The following TMEM117 variants were observed in gnomAD, a reference collection of about 807,000 sequenced individuals.
TMEM117 encodes transmembrane protein 117.
In TMEM117, 27 loss-of-function variants were observed where a neutral mutation model predicts 52.4. The ratio of observed to expected loss-of-function variants is 0.51; its 90% CI spans 0.38 to 0.71. TMEM117 has a LOEUF of 0.71. Among genes scored for constraint, TMEM117 ranks in the 30% least tolerant of loss-of-function variants. The pLI is 0.00. For missense variants in TMEM117, 556 were observed against 630.5 expected (o/e 0.88, Z 1.26); for synonymous variants, 215 against 206.3 (o/e 1.04, Z -0.36).
At chr12:44,252,329 A>AC (rs1298434026) in intron 5 of TMEM117, among the ~76,000 whole-genome samples, 2 of 152,016 alleles carry the variant, frequency 1.3e-5, no homozygotes, top group South Asian at 2.1e-4. Flanking sequence ...ACAAAGCAAA[A>AC]CCCCGTCCTA....
intron 6 of TMEM117, among the ~76,000 whole-genome samples, chr12:44,341,956 C>T (rs144207473): frequency 2.3e-3 from 347 of 152,072 alleles, no homozygotes; most frequent in Non-Finnish European, 3.9e-3. Flanking sequence ...CAGAGCTAAG[C>T]GTATTGTCAG....
At chr12:43,929,892 G>A (rs539923773) in intron 2 of TMEM117, among the ~76,000 whole-genome samples, 77 of 152,120 alleles carry the variant, frequency 5.1e-4, no homozygotes, top group African/African-American at 1.6e-3. Flanking sequence ...GTCTGCTTAT[G>A]TTATCAATTT....
intron 6 of TMEM117, among the ~76,000 whole-genome samples, chr12:44,337,772 A>C (rs866791406): frequency 4.6e-5 from 7 of 152,110 alleles, no homozygotes; most frequent in African/African-American, 1.7e-4. Context: ...AATGCATATC[A>C]TAGTCAGTAG....
chr12:44,084,848 C>T (rs993009161), intron 3 of TMEM117, among the ~76,000 whole-genome samples: 16 of 152,142 alleles, frequency 1.1e-4, no homozygotes, highest in Non-Finnish European at 1.9e-4. Context: ...GACCAGTGCT[C>T]CCCAGGTGAT....
intron 5 of TMEM117, among the ~76,000 whole-genome samples, chr12:44,236,185 T>G (rs35321432): frequency 0.048 from 7,000 of 145,200 alleles, 220 homozygotes; most frequent in African/African-American, 0.1. Flanking sequence ...TATATATATA[T>G]ATAGAGAGAG....
intron 3 of TMEM117, among the ~76,000 whole-genome samples, chr12:44,135,918 G>A (rs1319502120): frequency 6.6e-6 from 1 of 152,040 alleles, no homozygotes; most frequent in Non-Finnish European, 1.5e-5. Context: ...GTTCTACTTT[G>A]AACAGCATCA....
intron 4 of TMEM117, among the ~76,000 whole-genome samples, chr12:44,154,272 G>A (rs371413905): frequency 1.3e-5 from 2 of 152,108 alleles, no homozygotes; most frequent in South Asian, 2.1e-4. Flanking sequence ...AGAAGATAAA[G>A]TCCACATCAA....
chr12:44,367,892 G>A (rs555505217), intron 6 of TMEM117, among the ~76,000 whole-genome samples: 26 of 152,140 alleles, frequency 1.7e-4, no homozygotes, highest in Non-Finnish European at 3.2e-4. Context: ...ACCTTGATCC[G>A]ACCACCTGGC....
intron 2 of TMEM117, among the ~76,000 whole-genome samples, chr12:43,903,741 C>T (rs1054049685): frequency 1.3e-5 from 2 of 152,096 alleles, no homozygotes; most frequent in African/African-American, 4.8e-5. Flanking sequence ...ACCCAAGGAA[C>T]ACTTGATCTT....
intron 5 of TMEM117, among the ~76,000 whole-genome samples, chr12:44,281,162 A>C (rs933255331): frequency 6.6e-6 from 1 of 152,188 alleles, no homozygotes; most frequent in African/African-American, 2.4e-5. Context: ...CATGAATCCT[A>C]ATATTAATTT....
chr12:44,071,664 G>T (rs895910749), intron 3 of TMEM117, among the ~76,000 whole-genome samples: 1 of 152,120 alleles, frequency 6.6e-6, no homozygotes, highest in African/African-American at 2.4e-5. Flanking sequence ...TTTCTGTAGT[G>T]TCCTGGGCAC....
intron 3 of TMEM117, among the ~76,000 whole-genome samples, chr12:44,055,305 G>A (rs1400077984): frequency 6.6e-6 from 1 of 151,930 alleles, no homozygotes; most frequent in African/African-American, 2.4e-5. Flanking sequence ...TTATGTTTAG[G>A]ACATTTTTCA....
At chr12:43,887,538 G>T (rs1013991705) in intron 2 of TMEM117, among the ~76,000 whole-genome samples, 1 of 152,184 alleles carries the variant, frequency 6.6e-6, no homozygotes, top group African/African-American at 2.4e-5. Context: ...TCTACTTAGG[G>T]TTTAGTCTGG....
chr12:44,259,220 A>T (rs145680304), intron 5 of TMEM117, among the ~76,000 whole-genome samples: 1 of 152,166 alleles, frequency 6.6e-6, no homozygotes, highest in Non-Finnish European at 1.5e-5. Flanking sequence ...TTCCAGCTAT[A>T]TAGCAACCTA....
chr12:43,864,742 G>A (rs1231454523), intron 2 of TMEM117, among the ~76,000 whole-genome samples: 6 of 152,188 alleles, frequency 3.9e-5, no homozygotes, highest in Admixed American at 3.9e-4. Flanking sequence ...CCAATCAGCA[G>A]GATGTGGGTT....
the TMEM117 span, among the ~76,000 whole-genome samples, chr12:43,823,824 A>C: frequency 6.6e-6 from 1 of 152,202 alleles, no homozygotes; most frequent in East Asian, 1.9e-4. Context: ...TTAAAAAAAA[A>C]AAGCTTTGTG....
At chr12:44,340,579 A>G (rs370855682) in intron 6 of TMEM117, among the ~76,000 whole-genome samples, 1 of 151,986 alleles carries the variant, frequency 6.6e-6, no homozygotes, top group Admixed American at 6.6e-5. Context: ...AGGCTTGGGG[A>G]AGAAACAGCT....
chr12:44,275,347 G>T (rs1950499001), intron 5 of TMEM117, among the ~76,000 whole-genome samples: 1 of 152,102 alleles, frequency 6.6e-6, no homozygotes, highest in East Asian at 1.9e-4. Context: ...ACTGTTGGTG[G>T]CAATGTAAAT....
At chr12:43,874,205 G>A (rs894713269) in intron 2 of TMEM117, among the ~76,000 whole-genome samples, 1 of 152,038 alleles carries the variant, frequency 6.6e-6, no homozygotes, top group African/African-American at 2.4e-5. Flanking sequence ...TTTAACTTTT[G>A]CATTACAATA....
Sources: gnomAD v4.1 joint callset for allele counts (sites outside exome capture counted in the v4.1 genomes callset) on GRCh38, gnomAD v4.1.1 for gene constraint, MANE v1.5 for transcripts, NCBI Gene and HGNC (gene_info 2026-07-23, HGNC 2026-07-21) for gene names.